The following SIM2 variants were observed in gnomAD, a reference collection of about 807,000 sequenced individuals.
SIM2 encodes the protein SIM bHLH transcription factor 2, also known as single-minded homolog 2.
In SIM2, 28 loss-of-function variants were observed where a neutral mutation model predicts 64.8. That is an observed-to-expected ratio of 0.43 (90% CI 0.32 to 0.59). The LOEUF (loss-of-function observed/expected upper bound fraction) is 0.59, where lower values mean the gene tolerates loss of function less well. SIM2 is among the 20% of genes least tolerant of loss of function. The pLI is 0.07. For synonymous variants in SIM2, 408 were observed against 391.1 expected (o/e 1.04, Z -0.51); for missense variants, 847 against 871.4 (o/e 0.97, Z 0.35).
At position 36,726,952 on chromosome 21, in the gene SIM2, C is replaced by G. The variant is rs1222284801; in HGVS notation, c.743+634C>G. Among the ~76,000 whole-genome samples, 1 of 152,226 alleles carries G rather than the reference C, an allele frequency of 6.6e-6. No homozygotes were observed. Among genetic ancestry groups the G allele is most frequent in the Non-Finnish European group, 1.5e-5 (1 of 68,034 alleles). On this transcript the variant is annotated intron_variant, in intron 6 of 10. Transcript: ENST00000290399. This position sits in a 1 kb window ranked among gnomAD's most constrained non-coding sequence, Gnocchi z 4.5. ...CCCGTGCTGGAGTGGCCTTCACTCT[C>G]CCCTAGAACCGGCTGCAGTCCCAGT... is the stretch of plus-strand genomic sequence containing the variant.
rs143871707 is a variant in SIM2 at position 36,745,668 on chromosome 21, C to T, written c.1576+532C>T. On this transcript the variant is annotated intron_variant, in intron 10 of 10. Coordinates refer to ENST00000290399, the MANE Select transcript of SIM2 (RefSeq NM_005069.6). The surrounding 1 kb of genome is among the most constrained non-coding windows in gnomAD (Gnocchi z 4.8). ...ACACAAACCCTCCAGGCCTCAGTTT[C>T]TTCACCTGTAAAATGGGGTGAAGCT... The T allele has an allele frequency of 3.3e-4, 400 of 1,195,758 alleles. No homozygotes were observed. The African/African-American group carries it at 5.5e-3, about 16-fold the overall frequency. The allele number at this position is 1,195,758 out of a possible 1,614,324, so 74.1% of individuals were successfully genotyped here.
intron 1 of SIM2, among the ~76,000 whole-genome samples, chr21:36,700,497 C>T (rs1188529030): frequency 6.6e-6 from 1 of 152,058 alleles, no homozygotes; most frequent in East Asian, 1.9e-4. Context: ...TTTCTTTCCC[C>T]ATCCCTTCCT....
At chr21:36,740,109 ATT>A (rs1310487729) in intron 7 of SIM2, among the ~76,000 whole-genome samples, 5 of 140,404 alleles carry the variant, frequency 3.6e-5, no homozygotes, top group Admixed American at 7.1e-5. Context: ...TTGGCCTTTC[ATT>A]TTTTTTTTTT....
chr21:36,740,009 GAGAAAGAAAGAAAGAA>G (rs71840582), intron 7 of SIM2, among the ~76,000 whole-genome samples: 34,670 of 131,110 alleles, frequency 0.26, 5,474 homozygotes, highest in Non-Finnish European at 0.35. Flanking sequence ...GAAAGAAAGA[GAGAAAGAAAGAAAGAA>G]AGAAAGAAAG....
chr21:36,720,568 G>A (rs1337572783), intron 4 of SIM2: 2 of 152,178 alleles, frequency 1.3e-5, no homozygotes, highest in East Asian at 3.8e-4. Context: ...TATTAATAAA[G>A]CAGCACATTT....
At chr21:36,734,958 A>G (rs2089022829) in intron 7 of SIM2, among the ~76,000 whole-genome samples, 2 of 152,158 alleles carry the variant, frequency 1.3e-5, no homozygotes. Context: ...CTGGAGTTGA[A>G]GTGCAATGGT....
At chr21:36,715,007 A>G (rs1485310377) in intron 3 of SIM2, among the ~76,000 whole-genome samples, 2 of 152,204 alleles carry the variant, frequency 1.3e-5, no homozygotes, top group Non-Finnish European at 2.9e-5. Flanking sequence ...AGATACATAC[A>G]TTGTCTCTTT....
intron 1 of SIM2, among the ~76,000 whole-genome samples, chr21:36,706,132 G>A (rs1025354878): frequency 7.9e-5 from 12 of 152,228 alleles, no homozygotes; most frequent in African/African-American, 2.7e-4. Context: ...GACCAGCTTC[G>A]GAAGAGGAGG....
Position 36,745,098 on chromosome 21 carries a change from C to T in SIM2, c.1538C>T (p.Ala513Val), listed in dbSNP as rs761387486. 6 of 1,612,280 alleles carry T rather than the reference C, an allele frequency of 3.7e-6. No homozygotes were observed. The highest frequency in any genetic ancestry group is 3.4e-6 in the Non-Finnish European group (4 of 1,178,968). Reference protein sequence around the residue: ...SPAKNPPEPPANTARHSLVPS... With the variant: ...SPAKNPPEPPVNTARHSLVPS... ...GCTAAAAATCCTCCAGAGCCACCGG[C>T]GAACACTGCTAGGCACAGCCTGGTG... The change falls in exon 10 of 11, where the codon GCG becomes GTG. Residue 513 changes from alanine to valine, a missense_variant. Ala to Val is a moderately conservative substitution (Grantham distance 64). Around this residue, in one of 3 missense-constraint regions of SIM2, gnomAD observed 447 missense variants for 414.6 expected, o/e 1.08. Coordinates refer to ENST00000290399, the MANE Select transcript of SIM2 (RefSeq NM_005069.6). This position sits in a 1 kb window ranked among gnomAD's most constrained non-coding sequence, Gnocchi z 4.8.
intron 6 of SIM2, among the ~76,000 whole-genome samples, chr21:36,730,607 G>T (rs2088953403): frequency 6.6e-6 from 1 of 152,068 alleles, no homozygotes; most frequent in African/African-American, 2.4e-5. Flanking sequence ...CACTAGCGCT[G>T]GTAACCATGG....
intron 3 of SIM2, 54 bp from the exon 4 acceptor site, chr21:36,719,767 C>T: frequency 9.1e-7 from 1 of 1,093,000 alleles, no homozygotes; most frequent in Non-Finnish European, 1.4e-6. Context: ...GCCCCTCCCC[C>T]TGCGCCAATC....
intron 1 of SIM2, among the ~76,000 whole-genome samples, chr21:36,705,365 C>G (rs2088565418): frequency 6.6e-6 from 1 of 152,220 alleles, no homozygotes; most frequent in African/African-American, 2.4e-5. Context: ...CTCAGATGGC[C>G]GGCAACGCGC....
At chr21:36,728,182 C>T (rs761724463) in intron 6 of SIM2, among the ~76,000 whole-genome samples, 16 of 152,218 alleles carry the variant, frequency 1.1e-4, no homozygotes, top group Non-Finnish European at 2.4e-4. Context: ...TGAGAGGTGG[C>T]TGGAAGGACA....
In SIM2 at chr21:36,747,678, C is replaced by G; in HGVS notation, c.1590C>G (p.Ala530=). The G allele has an allele frequency of 7.9e-7, 1 of 1,265,810 alleles. No individual in the cohort carries two copies. Among genetic ancestry groups the G allele is most frequent in the Non-Finnish European group, 9.9e-7 (1 of 1,005,322 alleles). 78.4% of individuals were successfully genotyped at this position (1,265,810 alleles called of 1,614,324 possible). The part of the protein sequence containing the change: ...LVPSYEAPAA[A]VRRFGEDTAP... ...CTGTCCCCGCAGCGCCCGCCGCCGC[C>G]GTGCGCAGGTTCGGCGAGGACACCG... Residue 530 remains alanine, a synonymous_variant, in exon 11 of 11, where the codon GCC becomes GCG. Transcript: ENST00000290399. The surrounding 1 kb of genome is among the most constrained non-coding windows in gnomAD (Gnocchi z 4.5).
intron 1 of SIM2, among the ~76,000 whole-genome samples, chr21:36,700,690 T>C (rs889423282): frequency 4.6e-5 from 7 of 152,144 alleles, no homozygotes; most frequent in South Asian, 2.1e-4. Context: ...CGAACACTTG[T>C]GCTGAGCCGG....
At position 36,745,343 on chromosome 21, in the gene SIM2, C is replaced by T. The variant is rs1202690871; in HGVS notation, c.1576+207C>T. ...GTGAGAAATGGCAGTCTGCCTGCCT[C>T]GGGGACACTAGTGACAGTATAAAGG... On this transcript the variant is annotated intron_variant, in intron 10 of 10. Coordinates refer to ENST00000290399, the MANE Select transcript of SIM2 (RefSeq NM_005069.6). The surrounding 1 kb of genome is among the most constrained non-coding windows in gnomAD (Gnocchi z 4.8). 8 of 1,435,246 alleles carry T rather than the reference C, an allele frequency of 5.6e-6. No individual in the cohort carries two copies. The highest frequency in any genetic ancestry group is 7.3e-6 in the Non-Finnish European group (8 of 1,089,150). The allele number at this position is 1,435,246 out of a possible 1,614,324, so 88.9% of individuals were successfully genotyped here. A position where few individuals can be genotyped will look rare whatever the true frequency, so the allele number is the denominator to read the frequency against.
At chr21:36,712,660 A>T in intron 3 of SIM2, 38 bp downstream of exon 3, 1 of 1,377,476 alleles carries the variant, frequency 7.3e-7, no homozygotes, top group Non-Finnish European at 1.0e-6. Flanking sequence ...CCAAAATATT[A>T]AACGAAGTGA....
chr21:36,714,162 T>G (rs2088713396), intron 3 of SIM2, among the ~76,000 whole-genome samples: 1 of 152,250 alleles, frequency 6.6e-6, no homozygotes, highest in Admixed American at 6.5e-5. Flanking sequence ...TTTAGAATCA[T>G]GCAGGGCCCT....
At position 36,726,893 on chromosome 21, in the gene SIM2, T is replaced by C. The variant is rs1410148528; in HGVS notation, c.743+575T>C. Among the ~76,000 whole-genome samples, 1 of 152,140 alleles carries C rather than the reference T, an allele frequency of 6.6e-6. No individual in the cohort carries two copies. The highest frequency in any genetic ancestry group is 1.5e-5 in the Non-Finnish European group (1 of 68,006). On this transcript the variant is annotated intron_variant, in intron 6 of 10. Transcript: ENST00000290399. The surrounding 1 kb of genome is among the most constrained non-coding windows in gnomAD (Gnocchi z 4.5). ...GGGAGGAGGGGATTGGATGAGGTCATTTCTCCTGGCCTTGGGGAGTACCTC... is the reference window on the plus strand; with the variant it reads ...GGGAGGAGGGGATTGGATGAGGTCACTTCTCCTGGCCTTGGGGAGTACCTC...
Sources: allele counts gnomAD v4.1 joint callset (sites outside exome capture counted in the v4.1 genomes callset), GRCh38; gene constraint gnomAD v4.1.1; regional missense constraint gnomAD v4.1.1; non-coding constraint Gnocchi (gnomAD v3.1); transcripts MANE v1.5; gene names NCBI Gene and HGNC (gene_info 2026-07-23, HGNC 2026-07-21).